The following ST3GAL3 variants were observed in gnomAD, a reference collection of about 807,000 sequenced individuals.
ST3GAL3 encodes CMP-N-acetylneuraminate-beta-1,4-galactoside alpha-2,3-sialyltransferase.
ST3GAL3 carries 21 observed loss-of-function variants against 50.1 expected under a neutral mutation model. That is an observed-to-expected ratio of 0.42 (90% confidence interval 0.30 to 0.60). The LOEUF is 0.60. Ranked by LOEUF, ST3GAL3 falls within the 20% of genes least tolerant of loss-of-function variation. The probability of loss-of-function intolerance (pLI) is 0.19; values close to 1 mark genes in which losing one functional copy is unlikely to be tolerated. For missense variants in ST3GAL3, 353 were observed against 489.4 expected, an observed-to-expected ratio of 0.72 and a Z score of 2.63; for synonymous variants, 183 against 190.0, an observed-to-expected ratio of 0.96 and a Z score of 0.30.
At chr1:43,907,341 A>G (rs2079967891) in intron 9 of ST3GAL3, among the ~76,000 whole-genome samples, 1 of 152,172 alleles carries the variant, frequency 6.6e-6, no homozygotes. Context: ...CTTCAGATCC[A>G]GCCAGTCCAG....
At chr1:43,717,338 T>C (rs554368184) in intron 1 of ST3GAL3, among the ~76,000 whole-genome samples, 1 of 152,284 alleles carries the variant, frequency 6.6e-6, no homozygotes, top group Admixed American at 6.5e-5. Context: ...TACTTTGCAA[T>C]AGTCCAGCAT....
chr1:43,890,607 C>A (rs577213657), intron 5 of ST3GAL3, among the ~76,000 whole-genome samples: 10 of 152,306 alleles, frequency 6.6e-5, no homozygotes, highest in African/African-American at 2.2e-4. Context: ...AGCATGGTGG[C>A]TCACGCCTAT....
intron 2 of ST3GAL3, among the ~76,000 whole-genome samples, chr1:43,740,580 G>A (rs1173212573): frequency 6.6e-6 from 1 of 151,852 alleles, no homozygotes; most frequent in Non-Finnish European, 1.5e-5. Flanking sequence ...GAGGCTGGGG[G>A]AATTATTTGA....
intron 4 of ST3GAL3, among the ~76,000 whole-genome samples, chr1:43,821,471 GA>G (rs2062085877): frequency 6.6e-6 from 1 of 152,094 alleles, no homozygotes; most frequent in Non-Finnish European, 1.5e-5. Flanking sequence ...GGATATAAAG[GA>G]ACACAGTTTT....
intron 1 of ST3GAL3, among the ~76,000 whole-genome samples, chr1:43,735,114 C>G (rs1435069348): frequency 3.9e-5 from 6 of 152,096 alleles, no homozygotes; most frequent in South Asian, 2.1e-4. Flanking sequence ...TAAATCGAGG[C>G]TCAGTCAGAA....
rs2064139572 is a variant in ST3GAL3, at chr1:43,835,262, T to C, written c.210-2957T>C. Among the ~76,000 whole-genome samples the C allele has an allele frequency of 2.0e-5, 3 of 151,676 alleles. No individual in the cohort carries two copies. The South Asian group carries it at 6.3e-4, about 32-fold the overall frequency. ...GACTGACTATTCTGGCCCCAGGGAG[T>C]TGGCGACCGTTAATCTTGGTGGTTT... is the stretch of plus-strand genomic sequence containing the variant. On this transcript the variant is annotated intron_variant, in intron 4 of 11. Transcript: ENST00000347631.
At chr1:43,724,647 G>A (rs1292558989) in intron 1 of ST3GAL3, among the ~76,000 whole-genome samples, 3 of 152,146 alleles carry the variant, frequency 2.0e-5, no homozygotes, top group African/African-American at 7.2e-5. Flanking sequence ...GAGACAAGAT[G>A]TTTTCTAAAT....
chr1:43,745,837 C>T (rs1683393782), intron 2 of ST3GAL3, among the ~76,000 whole-genome samples: 1 of 152,196 alleles, frequency 6.6e-6, no homozygotes, highest in South Asian at 2.1e-4. Flanking sequence ...CCATGTTGGC[C>T]AGGCTGGTCT....
chr1:43,726,786 G>A (rs1673128296), intron 1 of ST3GAL3, among the ~76,000 whole-genome samples: 1 of 150,804 alleles, frequency 6.6e-6, no homozygotes, highest in South Asian at 2.1e-4. Context: ...GTAATATGGG[G>A]TTTCCCCATG....
chr1:43,793,447 T>C (rs1286149644), intron 3 of ST3GAL3, among the ~76,000 whole-genome samples: 1 of 152,240 alleles, frequency 6.6e-6, no homozygotes, highest in Non-Finnish European at 1.5e-5. Flanking sequence ...ATCACTCTGC[T>C]GTGCTATCAA....
intron 3 of ST3GAL3, 51 bp downstream of exon 3, chr1:43,792,200 A>T: frequency 6.2e-7 from 1 of 1,610,432 alleles, no homozygotes; most frequent in South Asian, 1.1e-5. Context: ...TATTAGCCAT[A>T]TTTTTTGTGA....
rs148364295 is a variant in ST3GAL3, at chr1:43,719,934, GAAAAAAAAAAAAAAA to G, written c.-31+12256_-31+12270del. Among the ~76,000 whole-genome samples the G allele has an allele frequency of 1.7e-3, 73 of 41,752 alleles. No homozygotes were observed. The South Asian group carries it at 0.032, about 19-fold the overall frequency. 27.4% of individuals were successfully genotyped at this position (41,752 alleles called of 152,430 possible). A position where few individuals can be genotyped will look rare whatever the true frequency, so the allele number is the denominator to read the frequency against. ...AGCAACAGAGCAAGACTCTGTCTCA[GAAAAAAAAAAAAAAA>G]AAAAAAAAAAAAAAGAATAAGCAGT... On this transcript the variant is annotated intron_variant, in intron 1 of 11. Coordinates refer to ENST00000347631, the MANE Select transcript of ST3GAL3 (RefSeq NM_006279.5).
chr1:43,723,775 C>G lies in ST3GAL3; in HGVS notation c.-30-12458C>G, dbSNP rs191642176. Among the ~76,000 whole-genome samples, 7 of 152,188 alleles carry G rather than the reference C, an allele frequency of 4.6e-5. No individual in the cohort carries two copies. In the East Asian group the frequency reaches 1.4e-3, roughly 29 times the overall value. ...TACAGGCACACATCACCATGCCTGG[C>G]TAATTTTCGTATTTTTAGTAGAGAT... On this transcript the variant is annotated intron_variant, in intron 1 of 11. Coordinates refer to ENST00000347631, the MANE Select transcript of ST3GAL3 (RefSeq NM_006279.5).
chr1:43,712,301 T>G (rs1665164003), intron 1 of ST3GAL3, among the ~76,000 whole-genome samples: 1 of 152,152 alleles, frequency 6.6e-6, no homozygotes, highest in Non-Finnish European at 1.5e-5. Flanking sequence ...GGTAGAAGGG[T>G]TCCCCTGGAT....
At chr1:43,709,826 A>T (rs934573173) in intron 1 of ST3GAL3, among the ~76,000 whole-genome samples, 1 of 151,962 alleles carries the variant, frequency 6.6e-6, no homozygotes, top group Non-Finnish European at 1.5e-5. Context: ...CAGACTGGGC[A>T]ACAAGCGTGA....
At chr1:43,844,779 A>T (rs2065962540) in intron 5 of ST3GAL3, among the ~76,000 whole-genome samples, 1 of 151,852 alleles carries the variant, frequency 6.6e-6, no homozygotes, top group South Asian at 2.1e-4. Context: ...GTGAGCCAAG[A>T]TCGTGCCACT....
intron 9 of ST3GAL3, chr1:43,916,648 T>A (rs1448817579): frequency 1.3e-5 from 2 of 152,194 alleles, no homozygotes; most frequent in Non-Finnish European, 2.9e-5. Flanking sequence ...AGTGGCTCGA[T>A]CACGGCTCAC....
chr1:43,901,881 G>C (rs1424156951), intron 9 of ST3GAL3, among the ~76,000 whole-genome samples: 1 of 152,238 alleles, frequency 6.6e-6, no homozygotes, highest in Non-Finnish European at 1.5e-5. Flanking sequence ...GCTCCAAAGT[G>C]AAAGATAATT....
chr1:43,913,456 G>A (rs1424944780), intron 9 of ST3GAL3: 1 of 152,198 alleles, frequency 6.6e-6, no homozygotes, highest in Non-Finnish European at 1.5e-5. Context: ...CTGGGATTAA[G>A]CCTCTGTTTT....
Sources: allele counts gnomAD v4.1 joint callset (sites outside exome capture counted in the v4.1 genomes callset), GRCh38; gene constraint gnomAD v4.1.1; transcripts MANE v1.5; gene names NCBI Gene and HGNC (gene_info 2026-07-23, HGNC 2026-07-21).